The following CDH6 variants were observed in gnomAD, a reference collection of about 807,000 sequenced individuals.
The protein encoded by CDH6 is cadherin-6.
In CDH6, 31 loss-of-function variants were observed where a neutral mutation model predicts 78.0. The observed-to-expected ratio is 0.40, with a 90% CI of 0.30 to 0.54. CDH6 has a LOEUF of 0.54. CDH6 is among the 20% of genes least tolerant of loss of function. The pLI is 0.56. For missense variants in CDH6, 724 were observed against 975.9 expected (o/e 0.74, Z 3.44); for synonymous variants, 376 against 368.8 (o/e 1.02, Z -0.23).
intron 6 of CDH6, among the ~76,000 whole-genome samples, chr5:31,302,798 GAGAAAGAAAGAAAGAAAGAAAGAAAGAA>G (rs1180539177): frequency 5.5e-5 from 2 of 36,606 alleles, no homozygotes; most frequent in African/African-American, 2.0e-4. Flanking sequence ...GAGAGAGAGA[GAGAAAGAAAGAAAGAAAGAAAGAAAGAA>G]AGAAAGAAAG....
At chr5:31,259,744 C>T (rs1037283769) in intron 1 of CDH6, among the ~76,000 whole-genome samples, 1 of 152,156 alleles carries the variant, frequency 6.6e-6, no homozygotes, top group Admixed American at 6.5e-5. Context: ...TGGGAAAAGA[C>T]AGGGTCCACG....
intron 3 of CDH6, 73 bp from the exon 4 acceptor site, chr5:31,297,216 G>A (rs1418919860): frequency 1.6e-6 from 2 of 1,282,576 alleles, no homozygotes; most frequent in African/African-American, 2.9e-5. Context: ...TTAAGATCGT[G>A]CTGGTTTTGG....
intron 1 of CDH6, among the ~76,000 whole-genome samples, chr5:31,203,333 G>A (rs1355103302): frequency 7.1e-6 from 1 of 141,386 alleles, no homozygotes; most frequent in East Asian, 2.1e-4. Flanking sequence ...TGCCATGCTG[G>A]TGCGCTGCAC....
At chr5:31,260,710 G>C (rs1295683411) in intron 1 of CDH6, among the ~76,000 whole-genome samples, 1 of 152,168 alleles carries the variant, frequency 6.6e-6, no homozygotes, top group East Asian at 1.9e-4. Flanking sequence ...GCATCATTTG[G>C]TGGCTCTTGC....
intron 1 of CDH6, among the ~76,000 whole-genome samples, chr5:31,252,715 A>T (rs1395070210): frequency 6.6e-6 from 1 of 152,216 alleles, no homozygotes; most frequent in Non-Finnish European, 1.5e-5. Flanking sequence ...TCTTAGGTAT[A>T]AAGTTTTCTT....
At chr5:31,203,396 C>A in intron 1 of CDH6, among the ~76,000 whole-genome samples, 1 of 99,102 alleles carries the variant, frequency 1.0e-5, no homozygotes, top group Non-Finnish European at 2.0e-5. Flanking sequence ...ATCCCTCCCC[C>A]CTCCCCCCAC....
At chr5:31,199,466 ACACACACATATGTGTATATATG>A (rs1740269018) in intron 1 of CDH6, among the ~76,000 whole-genome samples, 4 of 65,996 alleles carry the variant, frequency 6.1e-5, no homozygotes, top group African/African-American at 2.0e-4. Context: ...GTGTATATAT[ACACACACATATGTGTATATATG>A]TACACACACA....
intron 5 of CDH6, among the ~76,000 whole-genome samples, chr5:31,300,275 C>T (rs1191333980): frequency 2.6e-5 from 4 of 152,168 alleles, no homozygotes; most frequent in Admixed American, 2.6e-4. Context: ...CAAGAGGGAA[C>T]TAGTTTTAAC....
At chr5:31,255,013 A>T (rs1284227398) in intron 1 of CDH6, among the ~76,000 whole-genome samples, 1 of 152,256 alleles carries the variant, frequency 6.6e-6, no homozygotes. Context: ...TGCTCTTTCT[A>T]TTAAAAAATA....
intron 1 of CDH6, among the ~76,000 whole-genome samples, chr5:31,221,651 G>A (rs565839507): frequency 1.1e-4 from 17 of 152,092 alleles, no homozygotes; most frequent in Non-Finnish European, 2.2e-4. Context: ...ACTTGATGAC[G>A]GTGCCATCTT....
chr5:31,285,718 T>C (rs966857101), intron 2 of CDH6, among the ~76,000 whole-genome samples: 3 of 152,248 alleles, frequency 2.0e-5, no homozygotes, highest in African/African-American at 7.2e-5. Flanking sequence ...TTGCAGCTTT[T>C]TCACCATTAA....
At chr5:31,219,398 C>T (rs1001708308) in intron 1 of CDH6, among the ~76,000 whole-genome samples, 12 of 152,234 alleles carry the variant, frequency 7.9e-5, no homozygotes, top group African/African-American at 2.9e-4. Context: ...TTCTGGAGCA[C>T]CCTGGCTATA....
intron 7 of CDH6, among the ~76,000 whole-genome samples, chr5:31,307,207 T>C (rs1265762515): frequency 6.6e-6 from 1 of 152,192 alleles, no homozygotes. Flanking sequence ...TGGAAACCTT[T>C]GAGTATAAGA....
At chr5:31,268,014 G>A (rs1046697282) in intron 2 of CDH6, among the ~76,000 whole-genome samples, 3 of 152,128 alleles carry the variant, frequency 2.0e-5, no homozygotes, top group Admixed American at 6.5e-5. Flanking sequence ...CTATAAAGTA[G>A]GGTGTATTAA....
Position 31,293,955 on chromosome 5 carries a change from A to T in CDH6, c.229-7A>T. On this transcript the variant is annotated splice_region_variant and splice_polypyrimidine_tract_variant and intron_variant, in intron 2 of 11. Transcript: ENST00000265071. ...TTACTTTCTTTAATTTTTTTTTTCT[A>T]CACTAGTTACATTCAGACCAGGATA... is the stretch of plus-strand genomic sequence containing the variant. The T allele has an allele frequency of 1.3e-6, 2 of 1,549,170 alleles. No homozygotes were observed. The highest frequency in any genetic ancestry group is 1.7e-6 in the Non-Finnish European group (2 of 1,146,274).
chr5:31,204,194 C>T (rs918322076), intron 1 of CDH6, among the ~76,000 whole-genome samples: 1 of 152,174 alleles, frequency 6.6e-6, no homozygotes. Flanking sequence ...TCTGTTACCA[C>T]ACTCCAAAAT....
At chr5:31,196,221 T>C (rs1740161049) in intron 1 of CDH6, among the ~76,000 whole-genome samples, 1 of 152,084 alleles carries the variant, frequency 6.6e-6, no homozygotes, top group Admixed American at 6.6e-5. Flanking sequence ...TAAGAAAAAA[T>C]GTACCTTGCA....
chr5:31,310,055 A>G (rs1346127234), intron 7 of CDH6, among the ~76,000 whole-genome samples: 1 of 152,216 alleles, frequency 6.6e-6, no homozygotes, highest in Non-Finnish European at 1.5e-5. Context: ...CCAAAGTCTT[A>G]ACTCATCCCA....
In CDH6 at chr5:31,302,179, G is replaced by A. The variant is rs867559623; in HGVS notation, c.880G>A (p.Asp294Asn). The A allele has an allele frequency of 1.9e-6, 3 of 1,614,006 alleles. No individual in the cohort carries two copies. The highest frequency in any genetic ancestry group is 1.1e-5 in the South Asian group (1 of 91,074). Residue 294 changes from aspartate to asparagine, a missense_variant, in exon 6 of 12, where the codon GAC (aspartate) becomes AAC (asparagine). By Grantham distance (23) the Asp-to-Asn change is conservative. Around this residue, in one of 3 missense-constraint regions of CDH6, gnomAD observed 446 missense variants for 684.5 expected, o/e 0.65. Transcript: ENST00000265071. ...ACCAATTGGCAGAATCAAAGCCAGC[G>A]ACGCTGATGTGGGAGAAAATGCTGA... ...GTPIGRIKAS[D>N]ADVGENAEIE...
Sources: allele counts gnomAD v4.1 joint callset (sites outside exome capture counted in the v4.1 genomes callset), GRCh38; gene constraint gnomAD v4.1.1; regional missense constraint gnomAD v4.1.1; transcripts MANE v1.5; gene names NCBI Gene and HGNC (gene_info 2026-07-23, HGNC 2026-07-21).